The following NECTIN2 variants were observed in gnomAD, a reference collection of about 807,000 sequenced individuals.
NECTIN2 encodes nectin-2.
NECTIN2 carries 23 observed loss-of-function variants against 56.9 expected under a neutral mutation model. The ratio of observed to expected loss-of-function variants is 0.40; its 90% CI spans 0.29 to 0.57. The LOEUF (loss-of-function observed/expected upper bound fraction) is 0.57. Among genes scored for constraint, NECTIN2 ranks in the 20% least tolerant of loss-of-function variants. NECTIN2 has a pLI of 0.38. For synonymous variants in NECTIN2, 302 were observed against 313.8 expected (o/e 0.96, Z 0.40); for missense variants, 587 against 718.3 (o/e 0.82, Z 2.09).
At chr19:44,863,841 CA>C (rs34834700) in intron 1 of NECTIN2, among the ~76,000 whole-genome samples, 46 of 132,600 alleles carry the variant, frequency 3.5e-4, no homozygotes, top group South Asian at 4.7e-4. Context: ...GACTCAGTCT[CA>C]AAAAAAAAAA....
At position 44,846,603 on chromosome 19, in the gene NECTIN2, C is replaced by T. The variant is rs1015600945; in HGVS notation, c.78C>T (p.Leu26=). The T allele has an allele frequency of 2.0e-5, 30 of 1,525,602 alleles. No individual in the cohort carries two copies. In the Admixed American group the frequency reaches 4.9e-4, roughly 25 times the overall value. The allele number at this position is 1,525,602 out of a possible 1,614,324, so 94.5% of individuals were successfully genotyped here. The change falls in exon 1 of 9, where the codon CTC becomes CTT. Residue 26 remains leucine (L), a synonymous_variant. Transcript: ENST00000252483. Reference sequence around the variant, plus strand: ...TGTGGCCGCTGCTGCTGCTGCTGCTCCTGGAAACCGGTGAGACGAGCGGAC... The same window carrying T: ...TGTGGCCGCTGCTGCTGCTGCTGCTTCTGGAAACCGGTGAGACGAGCGGAC... ...PLLWPLLLLL[L]LETGAQDVRV...
At chr19:44,867,526 G>A (rs528902098) in intron 2 of NECTIN2, among the ~76,000 whole-genome samples, 34 of 152,150 alleles carry the variant, frequency 2.2e-4, no homozygotes, top group African/African-American at 7.0e-4. Flanking sequence ...GAAGTAAAAC[G>A]GCTTAGAAGT....
At chr19:44,880,188 C>A (rs937968055) in intron 5 of NECTIN2, among the ~76,000 whole-genome samples, 2 of 152,008 alleles carry the variant, frequency 1.3e-5, no homozygotes, top group Non-Finnish European at 2.9e-5. Flanking sequence ...CACCCACCCA[C>A]CCCACCCGGA....
At chr19:44,882,647 T>C (rs1969320155) in intron 6 of NECTIN2, among the ~76,000 whole-genome samples, 1 of 143,880 alleles carries the variant, frequency 7.0e-6, no homozygotes, top group Non-Finnish European at 1.5e-5. Context: ...AGCCCAGGAA[T>C]TTGAGCCCAG....
At chr19:44,864,979 G>A (rs559752947) in intron 1 of NECTIN2, among the ~76,000 whole-genome samples, 7 of 152,300 alleles carry the variant, frequency 4.6e-5, no homozygotes, top group African/African-American at 1.4e-4. Context: ...GAAAAATAGT[G>A]TGTGCACAGC....
rs1968932809 is a variant in NECTIN2 at position 44,853,958 on chromosome 19, A to G, written c.88+7345A>G. ...GGATGTGATATATCTAGTGTGTGAG[A>G]TGGTGAGAAGCACTATGCAGACAGA... On this transcript the variant is annotated intron_variant, in intron 1 of 8. Coordinates refer to ENST00000252483, the MANE Select transcript of NECTIN2 (RefSeq NM_001042724.2). 2.0e-5 allele frequency among the ~76,000 whole-genome samples: 3 copies of G among 152,110 alleles called. No homozygotes were observed. The South Asian group carries it at 6.2e-4, about 32-fold the overall frequency.
intron 1 of NECTIN2, among the ~76,000 whole-genome samples, chr19:44,852,068 G>A (rs534703979): frequency 2.0e-5 from 3 of 151,412 alleles, no homozygotes; most frequent in East Asian, 1.9e-4. Context: ...TGATCCCGGC[G>A]CCTCCCCCCG....
chr19:44,888,131 C>T lies in NECTIN2; in HGVS notation c.1369C>T (p.Leu457=), dbSNP rs1212435987. The part of the protein sequence containing the change: ...TEQEMPRYHE[L]PTLEERSGPL... ...CCAGGAAATGCCTCGATACCATGAG[C>T]TGCCCACCTTGGAAGAACGGTCAGG... Residue 457 remains leucine, a synonymous_variant, in exon 9 of 9, where the codon CTG becomes TTG. Transcript: ENST00000252483. 6.2e-7 allele frequency: 1 copy of T among 1,612,986 alleles called. No individual in the cohort carries two copies. The highest frequency in any genetic ancestry group is 8.5e-7 in the Non-Finnish European group (1 of 1,179,028).
intron 1 of NECTIN2, among the ~76,000 whole-genome samples, chr19:44,853,146 C>G (rs1968920703): frequency 6.6e-6 from 1 of 151,526 alleles, no homozygotes; most frequent in Middle Eastern, 3.2e-3. Context: ...AGGGCCTGAA[C>G]TATCCTATTC....
chr19:44,883,696 G>A (rs1406953188), intron 6 of NECTIN2, among the ~76,000 whole-genome samples: 2 of 152,288 alleles, frequency 1.3e-5, no homozygotes, highest in South Asian at 4.1e-4. Flanking sequence ...GCAAAGTGGT[G>A]CACACCTGTG....
rs1025548651 is a variant in NECTIN2, at chr19:44,888,694, G to A, written c.*315G>A. 10 of 357,396 alleles carry A rather than the reference G, an allele frequency of 2.8e-5. No individual in the cohort carries two copies. Among genetic ancestry groups the A allele is most frequent in the South Asian group, 5.3e-5 (1 of 18,816 alleles). The allele number at this position is 357,396 out of a possible 1,614,324, so 22.1% of individuals were successfully genotyped here. Reference sequence around the variant, plus strand: ...CATACCTCTCACCCCCCAATGCCTCGACTCCCCCAAAATCACAAAGAAGAC... The same window carrying A: ...CATACCTCTCACCCCCCAATGCCTCAACTCCCCCAAAATCACAAAGAAGAC... On this transcript the variant is annotated 3_prime_UTR_variant, in exon 9 of 9. Transcript: ENST00000252483.
At position 44,857,705 on chromosome 19, in the gene NECTIN2, G is replaced by GTTTTTTTTTTT. The variant is rs752045466; in HGVS notation, c.89-7561_89-7560insTTTTTTTTTTT. Among the ~76,000 whole-genome samples the GTTTTTTTTTTT allele has an allele frequency of 3.4e-5, 4 of 118,608 alleles. 1 individual carries two copies. Among genetic ancestry groups the GTTTTTTTTTTT allele is most frequent in the Non-Finnish European group, 5.2e-5 (3 of 57,774 alleles). The allele number at this position is 118,608 out of a possible 152,430, so 77.8% of individuals were successfully genotyped here. ...GCGTGAGCCATCGTGCCGGGTTTTT[G>GTTTTTTTTTTT]TTTTTGTTTTTTTTTTTTTAAGAGA... is the stretch of plus-strand genomic sequence containing the variant. On this transcript the variant is annotated intron_variant, in intron 1 of 8. Transcript: ENST00000252483.
chr19:44,868,202 G>GA (rs145723603), intron 2 of NECTIN2, among the ~76,000 whole-genome samples: 6,006 of 145,968 alleles, frequency 0.041, 141 homozygotes, highest in African/African-American at 0.068. Flanking sequence ...ATCTCTACAA[G>GA]AAAAAAAAAA....
intron 1 of NECTIN2, among the ~76,000 whole-genome samples, chr19:44,857,474 T>C (rs1286171124): frequency 6.6e-6 from 1 of 151,892 alleles, no homozygotes; most frequent in African/African-American, 2.4e-5. Flanking sequence ...CAATCTCTGC[T>C]CACTGCAACC....
intron 1 of NECTIN2, among the ~76,000 whole-genome samples, chr19:44,862,844 C>T (rs182239925): frequency 6.6e-6 from 1 of 151,880 alleles, no homozygotes; most frequent in Admixed American, 6.6e-5. Context: ...GAAAACCCAT[C>T]TCTATTAAAA....
At chr19:44,863,713 C>T (rs1244538492) in intron 1 of NECTIN2, among the ~76,000 whole-genome samples, 2 of 151,408 alleles carry the variant, frequency 1.3e-5, no homozygotes, top group East Asian at 2.0e-4. Context: ...GGCATGGTGG[C>T]GGGCGCCTGT....
At chr19:44,857,574 A>AT (rs1404344300) in intron 1 of NECTIN2, among the ~76,000 whole-genome samples, 1 of 151,466 alleles carries the variant, frequency 6.6e-6, no homozygotes, top group African/African-American at 2.4e-5. Flanking sequence ...GGTAATGTTT[A>AT]TTTTTTTAGT....
intron 6 of NECTIN2, among the ~76,000 whole-genome samples, chr19:44,883,824 C>T (rs1969332976): frequency 6.6e-6 from 1 of 152,016 alleles, no homozygotes; most frequent in African/African-American, 2.4e-5. Flanking sequence ...GACCCTGTAT[C>T]TTAAAAAATA....
At chr19:44,851,535 G>C (rs544082494) in intron 1 of NECTIN2, among the ~76,000 whole-genome samples, 1 of 152,184 alleles carries the variant, frequency 6.6e-6, no homozygotes, top group African/African-American at 2.4e-5. Context: ...CCTGGATCTC[G>C]GGGTCTCAAG....
Sources: allele counts gnomAD v4.1 joint callset (sites outside exome capture counted in the v4.1 genomes callset), GRCh38; gene constraint gnomAD v4.1.1; transcripts MANE v1.5; gene names NCBI Gene and HGNC (gene_info 2026-07-23, HGNC 2026-07-21).